Variants in TENM2 observed in about 807,000 individuals in gnomAD.
TENM2 encodes teneurin transmembrane protein 2.
Under a neutral mutation model 245.2 loss-of-function variants are expected in TENM2, and 52 were observed. That is an observed-to-expected ratio of 0.21 (90% CI 0.17 to 0.27). The LOEUF is 0.27. Ranked by LOEUF, TENM2 falls within the 10% of genes least tolerant of loss-of-function variation. The pLI, the probability that TENM2 is intolerant of heterozygous loss-of-function variation, is 1.00. For missense variants in TENM2, 3,046 were observed against 3,666.8 expected, an observed-to-expected ratio of 0.83 and a Z score of 4.37; for synonymous variants, 1,363 against 1,438.9, an observed-to-expected ratio of 0.95 and a Z score of 1.19.
At chr5:167,963,008 G>A (rs771785446) in intron 4 of TENM2, among the ~76,000 whole-genome samples, 3 of 152,146 alleles carry the variant, frequency 2.0e-5, no homozygotes, top group Non-Finnish European at 4.4e-5. Flanking sequence ...AACATGTATT[G>A]TCCCATTAAA....
chr5:167,608,034 C>T (rs543070423), intron 2 of TENM2, among the ~76,000 whole-genome samples: 5 of 152,216 alleles, frequency 3.3e-5, no homozygotes, highest in Admixed American at 1.3e-4. Context: ...TAGCATGTGA[C>T]GCCACATCCT....
chr5:167,207,906 A>G, the TENM2 span, among the ~76,000 whole-genome samples: 1 of 152,118 alleles, frequency 6.6e-6, no homozygotes, highest in Non-Finnish European at 1.5e-5. Flanking sequence ...GGCACGCGCC[A>G]ATGTGCCCAG....
chr5:167,867,778 T>C (rs1018755198), intron 2 of TENM2, among the ~76,000 whole-genome samples: 1 of 152,122 alleles, frequency 6.6e-6, no homozygotes, highest in African/African-American at 2.4e-5. Context: ...TCTCTGAATC[T>C]CCTGCCTCCA....
chr5:167,912,093 A>G (rs1776599781), intron 3 of TENM2, among the ~76,000 whole-genome samples: 1 of 152,192 alleles, frequency 6.6e-6, no homozygotes, highest in Non-Finnish European at 1.5e-5. Context: ...TACAATAGAT[A>G]TCTTGAACTT....
intron 3 of TENM2, among the ~76,000 whole-genome samples, chr5:167,909,846 C>A (rs915833932): frequency 1.3e-5 from 2 of 150,112 alleles, no homozygotes; most frequent in African/African-American, 4.9e-5. Flanking sequence ...CTATTAAAGT[C>A]ATGTGTTTAG....
intron 2 of TENM2, among the ~76,000 whole-genome samples, chr5:167,577,440 G>C (rs929314001): frequency 9.2e-5 from 14 of 152,042 alleles, no homozygotes; most frequent in African/African-American, 3.4e-4. Context: ...AGGATGTTTT[G>C]ATTTAACACC....
At chr5:167,910,340 A>G (rs1776450062) in intron 3 of TENM2, among the ~76,000 whole-genome samples, 1 of 152,210 alleles carries the variant, frequency 6.6e-6, no homozygotes, top group Admixed American at 6.5e-5. Flanking sequence ...CAGGGCAATA[A>G]TCACAGAAAA....
chr5:167,599,168 C>A (rs138710564), intron 2 of TENM2, among the ~76,000 whole-genome samples: 4 of 152,070 alleles, frequency 2.6e-5, no homozygotes, highest in Admixed American at 2.0e-4. Context: ...GAATTTATAG[C>A]GGAAAATGAT....
At chr5:167,961,820 A>G (rs1410553559) in intron 4 of TENM2, among the ~76,000 whole-genome samples, 2 of 152,200 alleles carry the variant, frequency 1.3e-5, no homozygotes, top group Non-Finnish European at 1.5e-5. Context: ...GGAAGTTCCT[A>G]CACCCAAAAT....
At chr5:168,106,685 T>A (rs1163395062) in intron 9 of TENM2, among the ~76,000 whole-genome samples, 1 of 152,212 alleles carries the variant, frequency 6.6e-6, no homozygotes, top group Non-Finnish European at 1.5e-5. Context: ...CACACTAGAA[T>A]TCTGAGTTTG....
At chr5:167,225,191 T>C in the TENM2 span, among the ~76,000 whole-genome samples, 1 of 151,734 alleles carries the variant, frequency 6.6e-6, no homozygotes, top group Non-Finnish European at 1.5e-5. Context: ...TTAGGGCTTA[T>C]AGCACTGTGT....
chr5:167,232,726 G>A, the TENM2 span, among the ~76,000 whole-genome samples: 3 of 151,208 alleles, frequency 2.0e-5, no homozygotes, highest in Non-Finnish European at 4.4e-5. Flanking sequence ...ACAGCGGTGT[G>A]AGAACAGACT....
the TENM2 span, among the ~76,000 whole-genome samples, chr5:167,207,329 C>G: frequency 2.0e-5 from 3 of 152,124 alleles, no homozygotes; most frequent in Non-Finnish European, 4.4e-5. Flanking sequence ...GGAAAGAGAA[C>G]GCATGAGTAT....
chr5:167,972,016 T>G (rs565876133), intron 4 of TENM2, among the ~76,000 whole-genome samples: 108 of 152,356 alleles, frequency 7.1e-4, no homozygotes, highest in Admixed American at 1.4e-3. Context: ...TGGTGCCTAC[T>G]TATCCCACAC....
downstream of TENM2, chr5:168,263,000 A>G: frequency 1.8e-6 from 1 of 552,370 alleles, no homozygotes; most frequent in Non-Finnish European, 3.2e-6. Context: ...ATCCTGAAGT[A>G]GACTAAAGCC....
Position 168,135,008 on chromosome 5 carries a change from A to T in TENM2, c.2422+8042A>T, listed in dbSNP as rs890209281. On this transcript the variant is annotated intron_variant, in intron 12 of 28. Coordinates refer to ENST00000518659, the Ensembl canonical transcript of TENM2. ...ACAGCATCCTGTCTCTCCTTTTCTT[A>T]CTTCTTTTCATTCCTCATGACTCTC... Among the ~76,000 whole-genome samples, 3 of 152,124 alleles carry T rather than the reference A, an allele frequency of 2.0e-5. No individual in the cohort carries two copies. The East Asian group carries it at 5.8e-4, about 29-fold the overall frequency.
At chr5:167,508,465 A>C (rs1024386395) in intron 2 of TENM2, among the ~76,000 whole-genome samples, 9 of 152,202 alleles carry the variant, frequency 5.9e-5, no homozygotes, top group African/African-American at 1.9e-4. Flanking sequence ...TTAAATTATA[A>C]ACCAGATCCT....
the TENM2 span, among the ~76,000 whole-genome samples, chr5:166,993,212 A>C: frequency 1.3e-5 from 2 of 152,260 alleles, no homozygotes; most frequent in East Asian, 3.9e-4. Context: ...GAAGCTGCTT[A>C]CATAATACCC....
chr5:167,444,845 A>T (rs941345729), intron 2 of TENM2, among the ~76,000 whole-genome samples: 2 of 152,182 alleles, frequency 1.3e-5, no homozygotes, highest in Non-Finnish European at 1.5e-5. Context: ...ATACGATTCT[A>T]GGAAACGGCC....
Sources: gnomAD v4.1 joint callset for allele counts (sites outside exome capture counted in the v4.1 genomes callset) on GRCh38, gnomAD v4.1.1 for gene constraint, MANE v1.5 for transcripts, NCBI Gene and HGNC (gene_info 2026-07-23, HGNC 2026-07-21) for gene names.